The following FADS1 variants were observed in gnomAD, a reference collection of about 807,000 sequenced individuals.
FADS1 encodes the protein fatty acid desaturase 1.
Under a neutral mutation model 61.6 loss-of-function variants are expected in FADS1, and 17 were observed. The observed-to-expected ratio is 0.28, with a 90% CI of 0.19 to 0.41. The LOEUF (loss-of-function observed/expected upper bound fraction) is 0.41, where lower values mean the gene tolerates loss of function less well. FADS1 is among the 10% of genes least tolerant of loss of function. The pLI is 1.00. For missense variants in FADS1, 387 were observed against 650.9 expected, an observed-to-expected ratio of 0.59 and a Z score of 4.41; for synonymous variants, 238 against 258.7, an observed-to-expected ratio of 0.92 and a Z score of 0.77.
chr11:61,799,662 A>G lies in FADS1; in HGVS notation c.*2749T>C, dbSNP rs14536. ...AATTAACTTTATTTTTCAACTTCAT[A>G]GGGATGTGATAACAAAATTGGCACA... is the stretch of plus-strand genomic sequence containing the variant. On this transcript the variant is annotated 3_prime_UTR_variant, in exon 12 of 12. Coordinates refer to ENST00000350997, the MANE Select transcript of FADS1 (RefSeq NM_013402.7). 1 of 152,376 alleles carries G rather than the reference A, an allele frequency of 6.6e-6. No individual in the cohort carries two copies. The highest frequency in any genetic ancestry group is 1.5e-5 in the Non-Finnish European group (1 of 68,040). The allele number at this position is 152,376 out of a possible 1,614,324, so 9.4% of individuals were successfully genotyped here.
Position 61,801,608 on chromosome 11 carries a change from T to G in FADS1, c.*803A>C, listed in dbSNP as rs2066855995. The stretch of plus-strand genomic sequence containing the variant: ...GAGCCAAAAGACCCCAATACCACAG[T>G]CTTGACCTTTGCCCTGCCTGCTTCT... On this transcript the variant is annotated 3_prime_UTR_variant, in exon 12 of 12. Coordinates refer to ENST00000350997, the MANE Select transcript of FADS1 (RefSeq NM_013402.7). The G allele has an allele frequency of 6.6e-6, 1 of 152,424 alleles. No individual in the cohort carries two copies. Among genetic ancestry groups the G allele is most frequent in the Non-Finnish European group, 1.5e-5 (1 of 68,096 alleles). The allele number at this position is 152,424 out of a possible 1,614,324, so 9.4% of individuals were successfully genotyped here.
rs557512552 is a variant in FADS1, at chr11:61,816,966, C to G, written c.-37G>C. The G allele has an allele frequency of 3.6e-6, 5 of 1,372,090 alleles. No individual in the cohort carries two copies. In the South Asian group the frequency reaches 6.7e-5, roughly 18 times the overall value. The allele number at this position is 1,372,090 out of a possible 1,614,324, so 85.0% of individuals were successfully genotyped here. ...CGTGGCGCGGGGAGCGAGATCCCGT[C>G]CCCCGGTGGGTCTTGGGCAACTCAC... On this transcript the variant is annotated 5_prime_UTR_variant, in exon 1 of 12. Coordinates refer to ENST00000350997, the MANE Select transcript of FADS1 (RefSeq NM_013402.7). This position sits in a 1 kb window ranked among gnomAD's most constrained non-coding sequence, Gnocchi z 7.0.
At chr11:61,813,933 C>T (rs1313858228) in intron 1 of FADS1, among the ~76,000 whole-genome samples, 2 of 147,002 alleles carry the variant, frequency 1.4e-5, no homozygotes, top group Non-Finnish European at 3.0e-5. Context: ...CGCGCCACTG[C>T]ACTCCAGCCT....
chr11:61,813,119 G>T, intron 2 of FADS1, 124 bp downstream of exon 2: 1 of 744,348 alleles, frequency 1.3e-6, no homozygotes. Context: ...GGGACCTCAA[G>T]ACTCCCCAGA....
At chr11:61,812,440 G>A (rs2066937810) in intron 3 of FADS1, 31 bp downstream of exon 3, 2 of 1,604,276 alleles carry the variant, frequency 1.2e-6, no homozygotes, top group Admixed American at 1.7e-5. Context: ...GCTGAGCATT[G>A]CTGTGCACTT....
intron 5 of FADS1, among the ~76,000 whole-genome samples, chr11:61,808,000 C>T (rs1452750793): frequency 6.6e-6 from 1 of 152,206 alleles, no homozygotes; most frequent in African/African-American, 2.4e-5. Context: ...ACTTCCCACC[C>T]TCATGGAGCT....
chr11:61,802,494 G>T lies in FADS1; in HGVS notation c.1455-32C>A. ...GGACAAAATGGGGGCAGACAGTGAG[G>T]GAGACAAGCAGAGTTGAACCCACCG... On this transcript the variant is annotated intron_variant, in intron 11 of 11. Transcript: ENST00000350997. The surrounding 1 kb of genome is among the most constrained non-coding windows in gnomAD (Gnocchi z 4.2). The T allele has an allele frequency of 6.4e-7, 1 of 1,552,958 alleles. No individual in the cohort carries two copies. The highest frequency in any genetic ancestry group is 8.7e-7 in the Non-Finnish European group (1 of 1,146,736).
In FADS1 at chr11:61,812,538, G is replaced by T; in HGVS notation, c.617C>A (p.Thr206Asn). The change falls in exon 3 of 12, where the codon ACC (threonine) becomes AAC (asparagine). Residue 206 changes from threonine (T) to asparagine (N), a missense_variant. Thr to Asn is a moderately conservative substitution (Grantham distance 65). This residue lies in a region of FADS1 where 257 missense variants were observed against 533.3 expected (regional missense o/e 0.48). Coordinates refer to ENST00000350997, the MANE Select transcript of FADS1 (RefSeq NM_013402.7). Reference sequence around the variant, plus strand: ...AAAGGACGTCCCAAAGACCCAAAGGGTGAGCCAGGCTGCACCATCCAGCAG... The same window carrying T: ...AAAGGACGTCCCAAAGACCCAAAGGTTGAGCCAGGCTGCACCATCCAGCAG... The part of the protein sequence containing the change: ...ILLLDGAAWL[T>N]LWVFGTSFLP... 6.2e-7 allele frequency: 1 copy of T among 1,614,142 alleles called. No individual in the cohort carries two copies.
rs1229651784 is a variant in FADS1, at chr11:61,805,047, C to A, written c.977-286G>T. The A allele has an allele frequency of 7.5e-6, 4 of 536,276 alleles. No individual in the cohort carries two copies. The East Asian group carries it at 9.0e-5, about 12-fold the overall frequency. The allele number at this position is 536,276 out of a possible 1,614,324, so 33.2% of individuals were successfully genotyped here. On this transcript the variant is annotated intron_variant, in intron 6 of 11. Coordinates refer to ENST00000350997, the MANE Select transcript of FADS1 (RefSeq NM_013402.7). ...GACAGGTGCTTGGGAACTCAGGCCC[C>A]ACGCATGGGACTTGCTCTGCTCCCA...
chr11:61,804,824 G>A, intron 6 of FADS1, 63 bp from the exon 7 acceptor site: 1 of 1,379,586 alleles, frequency 7.2e-7, no homozygotes, highest in Non-Finnish European at 1.0e-6. Flanking sequence ...AGGGCCAGTT[G>A]ATGTTGGGAG....
At chr11:61,813,154 G>T in intron 2 of FADS1, 89 bp downstream of exon 2, 2 of 819,594 alleles carry the variant, frequency 2.4e-6, no homozygotes, top group South Asian at 1.4e-5. Flanking sequence ...TGATTACTAT[G>T]ACTGTGATCC....
At chr11:61,805,216 T>G in intron 6 of FADS1, 1 of 187,386 alleles carries the variant, frequency 5.3e-6, no homozygotes, top group South Asian at 1.9e-4. Context: ...TCCTGGCAGC[T>G]CCACCATGCA....
At position 61,816,235 on chromosome 11, in the gene FADS1, C is replaced by T. The variant is rs987752541; in HGVS notation, c.375+320G>A. 4 of 1,594,348 alleles carry T rather than the reference C, an allele frequency of 2.5e-6. No homozygotes were observed. The highest frequency in any genetic ancestry group is 1.3e-5 in the African/African-American group (1 of 74,856). On this transcript the variant is annotated intron_variant, in intron 1 of 11. Transcript: ENST00000350997. The surrounding 1 kb of genome is among the most constrained non-coding windows in gnomAD (Gnocchi z 7.0). Reference sequence around the variant, plus strand: ...CTCTCCTCCCTCCTAGCCTACCCAGCTCGGGGTTCTGTCCCCGCCCAGAGA... The same window carrying T: ...CTCTCCTCCCTCCTAGCCTACCCAGTTCGGGGTTCTGTCCCCGCCCAGAGA...
rs1231064307 is a variant in FADS1, at chr11:61,801,229, G to A, written c.*1182C>T. On this transcript the variant is annotated 3_prime_UTR_variant, in exon 12 of 12. Coordinates refer to ENST00000350997, the MANE Select transcript of FADS1 (RefSeq NM_013402.7). ...GAAATCTGTGTCTTTCCTCATGACTGATAATTATCTCCCAATTTGGTCACT... is the reference window on the plus strand; with the variant it reads ...GAAATCTGTGTCTTTCCTCATGACTAATAATTATCTCCCAATTTGGTCACT... 6.6e-6 allele frequency: 1 copy of A among 152,332 alleles called. No individual in the cohort carries two copies. The highest frequency in any genetic ancestry group is 2.4e-5 in the African/African-American group (1 of 41,454). The allele number at this position is 152,332 out of a possible 1,614,324, so 9.4% of individuals were successfully genotyped here.
In FADS1 at chr11:61,806,695, CG is replaced by C. The variant is rs776204690; in HGVS notation, c.944del (p.Pro315ArgfsTer11). Reference protein sequence around the residue: ...ELGKQKKKYMPYNHQHKYFFL... With the variant: ...ELGKQKKKYMXYNHQHKYFFL... ...AGAAGTATTTGTGCTGGTGGTTGTA[CG>C]GCATATATTTTTTCTTCTGTTTCCC... On this transcript the variant is annotated frameshift_variant, in exon 6 of 12. Transcript: ENST00000350997. LOFTEE classifies it high-confidence loss of function. 1 of 1,614,118 alleles carries C rather than the reference CG, an allele frequency of 6.2e-7. No homozygotes were observed. Among genetic ancestry groups the C allele is most frequent in the Non-Finnish European group, 8.5e-7 (1 of 1,179,972 alleles).
chr11:61,803,897 G>A lies in FADS1; in HGVS notation c.1054-130C>T, dbSNP rs535101934. ...CTCACTCATCTTCAGCTTCTCAGGG[G>A]TCCAATCCTGCAGTATCTAGTGCCA... On this transcript the variant is annotated intron_variant, in intron 7 of 11. Coordinates refer to ENST00000350997, the MANE Select transcript of FADS1 (RefSeq NM_013402.7). The surrounding 1 kb of genome is among the most constrained non-coding windows in gnomAD (Gnocchi z 4.3). The A allele has an allele frequency of 1.0e-5, 7 of 700,128 alleles. No individual in the cohort carries two copies. The highest frequency in any genetic ancestry group is 2.5e-6 in the Non-Finnish European group (1 of 396,692). The allele number at this position is 700,128 out of a possible 1,614,324, so 43.4% of individuals were successfully genotyped here. A position where few individuals can be genotyped will look rare whatever the true frequency, so the allele number is the denominator to read the frequency against.
intron 1 of FADS1, among the ~76,000 whole-genome samples, chr11:61,813,915 G>A (rs1199150644): frequency 1.4e-5 from 2 of 146,906 alleles, no homozygotes; most frequent in Non-Finnish European, 3.0e-5. Flanking sequence ...CCTGCAGTGA[G>A]CCGAGATCGC....
Position 61,816,690 on chromosome 11 carries a change from G to A in FADS1, c.240C>T (p.Asp80=). The A allele has an allele frequency of 1.3e-6, 2 of 1,585,196 alleles. No individual in the cohort carries two copies. Among genetic ancestry groups the A allele is most frequent in the East Asian group, 2.3e-5 (1 of 43,388 alleles). Residue 80 remains aspartate (D), a synonymous_variant, in exon 1 of 12, where the codon GAC becomes GAT. Transcript: ENST00000350997. The surrounding 1 kb of genome is among the most constrained non-coding windows in gnomAD (Gnocchi z 7.0). ...QGPTPRYFTW[D]EVAQRSGCEE... is the part of the protein sequence containing the mutation. Reference sequence around the variant, plus strand: ...CGCACCCTGAGCGCTGGGCCACCTCGTCCCAGGTGAAGTAGCGCGGGGTAG... The same window carrying A: ...CGCACCCTGAGCGCTGGGCCACCTCATCCCAGGTGAAGTAGCGCGGGGTAG...
chr11:61,815,458 C>T lies in FADS1; in HGVS notation c.375+1097G>A, dbSNP rs1357971770. 6.6e-6 allele frequency: 1 copy of T among 152,308 alleles called. No individual in the cohort carries two copies. The highest frequency in any genetic ancestry group is 1.5e-5 in the Non-Finnish European group (1 of 68,118). The allele number at this position is 152,308 out of a possible 1,614,324, so 9.4% of individuals were successfully genotyped here. A position where few individuals can be genotyped will look rare whatever the true frequency, so the allele number is the denominator to read the frequency against. On this transcript the variant is annotated intron_variant, in intron 1 of 11. Transcript: ENST00000350997. The surrounding 1 kb of genome is among the most constrained non-coding windows in gnomAD (Gnocchi z 6.4). ...AAGCTCTGCTGCGACGTTATGGGAACCTGGTGACCCGCGGCACACTCTGGG... is the reference window on the plus strand; with the variant it reads ...AAGCTCTGCTGCGACGTTATGGGAATCTGGTGACCCGCGGCACACTCTGGG...
Sources: gnomAD v4.1 joint callset for allele counts (sites outside exome capture counted in the v4.1 genomes callset) on GRCh38, gnomAD v4.1.1 for gene constraint, gnomAD v4.1.1 regional missense constraint, Gnocchi (gnomAD v3.1) non-coding constraint, MANE v1.5 for transcripts, NCBI Gene and HGNC (gene_info 2026-07-23, HGNC 2026-07-21) for gene names.